The following PTPRT variants were observed in gnomAD, a reference collection of about 807,000 sequenced individuals.
The protein encoded by PTPRT is protein tyrosine phosphatase receptor type T, also known as receptor-type tyrosine-protein phosphatase T.
Under a neutral mutation model 176.8 loss-of-function variants are expected in PTPRT, and 56 were observed. That is an observed-to-expected ratio of 0.32 (90% CI 0.26 to 0.40). The LOEUF (loss-of-function observed/expected upper bound fraction) is 0.40. PTPRT is among the 10% of genes least tolerant of loss of function. PTPRT has a pLI of 1.00. For missense variants in PTPRT, 1,540 were observed against 1,908.2 expected, an observed-to-expected ratio of 0.81 and a Z score of 3.60; for synonymous variants, 783 against 739.0, an observed-to-expected ratio of 1.06 and a Z score of -0.96.
intron 7 of PTPRT, among the ~76,000 whole-genome samples, chr20:42,492,615 A>G (rs2145380563): frequency 6.6e-6 from 1 of 152,268 alleles, no homozygotes; most frequent in African/African-American, 2.4e-5. Flanking sequence ...TATTCACTTC[A>G]GGATTCCTTT....
intron 9 of PTPRT, among the ~76,000 whole-genome samples, chr20:42,438,383 C>T (rs1189632730): frequency 2.0e-5 from 3 of 152,088 alleles, no homozygotes; most frequent in Non-Finnish European, 4.4e-5. Context: ...AAAGTTTCTC[C>T]CCTGGTGTTA....
At chr20:42,842,120 T>G (rs2078289369) in intron 2 of PTPRT, among the ~76,000 whole-genome samples, 1 of 152,258 alleles carries the variant, frequency 6.6e-6, no homozygotes, top group Non-Finnish European at 1.5e-5. Flanking sequence ...TAGAAAGATC[T>G]TTAGAATCAG....
chr20:42,070,781 A>T (rs1600438545), downstream of PTPRT, among the ~76,000 whole-genome samples: 1 of 152,286 alleles, frequency 6.6e-6, no homozygotes, highest in Non-Finnish European at 1.5e-5. Flanking sequence ...ATAATTTTAT[A>T]TTGAGTCCTT....
chr20:42,636,796 AT>A (rs1398474132), intron 7 of PTPRT, among the ~76,000 whole-genome samples: 2 of 152,032 alleles, frequency 1.3e-5, no homozygotes, highest in Non-Finnish European at 2.9e-5. Flanking sequence ...AAAATAATTA[AT>A]TAATTAATCA....
At chr20:42,921,810 C>A (rs1667977219) in intron 1 of PTPRT, among the ~76,000 whole-genome samples, 1 of 152,178 alleles carries the variant, frequency 6.6e-6, no homozygotes, top group Admixed American at 6.5e-5. Context: ...CCACCCATGA[C>A]CCTCATGTAG....
At chr20:42,082,096 G>A in intron 29 of PTPRT, 79 bp from the exon 30 acceptor site, 2 of 1,593,408 alleles carry the variant, frequency 1.3e-6, no homozygotes, top group Non-Finnish European at 1.7e-6. Flanking sequence ...ACATCAGTAG[G>A]AGTAGGGATC....
At chr20:43,077,901 C>T (rs1476567064) in intron 1 of PTPRT, among the ~76,000 whole-genome samples, 1 of 152,114 alleles carries the variant, frequency 6.6e-6, no homozygotes, top group Non-Finnish European at 1.5e-5. Flanking sequence ...TGTCCACAAC[C>T]CTCACTATTT....
intron 16 of PTPRT, among the ~76,000 whole-genome samples, chr20:42,192,718 T>C (rs1991048551): frequency 6.6e-6 from 1 of 152,186 alleles, no homozygotes; most frequent in Non-Finnish European, 1.5e-5. Context: ...TCTTGAACCA[T>C]TTGTCTCCAC....
intron 1 of PTPRT, among the ~76,000 whole-genome samples, chr20:43,095,831 T>TCC (rs2012123169): frequency 3.3e-4 from 1 of 2,990 alleles, no homozygotes; most frequent in Non-Finnish European, 7.0e-4. Flanking sequence ...TCCCCCACCC[T>TCC]CTCTCTCTCC....
At chr20:43,083,709 A>G (rs2011529276) in intron 1 of PTPRT, among the ~76,000 whole-genome samples, 1 of 152,032 alleles carries the variant, frequency 6.6e-6, no homozygotes, top group Admixed American at 6.5e-5. Flanking sequence ...CAACAATCAC[A>G]CCATCACCAC....
intron 7 of PTPRT, among the ~76,000 whole-genome samples, chr20:42,660,334 C>T (rs994724103): frequency 6.6e-6 from 1 of 152,140 alleles, no homozygotes; most frequent in Admixed American, 6.5e-5. Flanking sequence ...CTTCTCCCTC[C>T]CAAGAAACTC....
intron 22 of PTPRT, among the ~76,000 whole-genome samples, chr20:42,114,496 C>A (rs114380226): frequency 0.023 from 3,531 of 152,298 alleles, 87 homozygotes; most frequent in Middle Eastern, 0.044. Flanking sequence ...GCTCACCAAG[C>A]TTGTGCAGCC....
chr20:42,410,582 G>A (rs2059005428), intron 9 of PTPRT, among the ~76,000 whole-genome samples: 1 of 151,930 alleles, frequency 6.6e-6, no homozygotes, highest in Non-Finnish European at 1.5e-5. Flanking sequence ...TGACCTAAGT[G>A]ATGTTATTTC....
intron 1 of PTPRT, among the ~76,000 whole-genome samples, chr20:42,897,436 T>TCAA (rs1369726847): frequency 1.3e-5 from 2 of 152,214 alleles, no homozygotes; most frequent in Non-Finnish European, 2.9e-5. Context: ...ATGAACTTGC[T>TCAA]GCTGGGTGTC....
At chr20:42,438,619 A>C (rs2059284367) in intron 9 of PTPRT, among the ~76,000 whole-genome samples, 1 of 152,148 alleles carries the variant, frequency 6.6e-6, no homozygotes, top group African/African-American at 2.4e-5. Flanking sequence ...AACTACATAA[A>C]CTCACAAAAA....
intron 2 of PTPRT, among the ~76,000 whole-genome samples, chr20:42,815,337 T>C (rs184726853): frequency 9.9e-4 from 151 of 152,262 alleles, no homozygotes; most frequent in African/African-American, 3.6e-3. Flanking sequence ...CTGAAGGAGC[T>C]TAGCGTTTGT....
At chr20:42,675,272 G>T (rs2075481802) in intron 7 of PTPRT, among the ~76,000 whole-genome samples, 1 of 152,140 alleles carries the variant, frequency 6.6e-6, no homozygotes, top group African/African-American at 2.4e-5. Context: ...TATCCAAAAT[G>T]CTTGGGACCA....
chr20:42,679,797 C>A (rs1419882553), intron 6 of PTPRT, among the ~76,000 whole-genome samples: 1 of 152,112 alleles, frequency 6.6e-6, no homozygotes, highest in African/African-American at 2.4e-5. Context: ...ATCACACTAA[C>A]TATTCTCTGA....
chr20:42,121,930 A>G (rs1204732395), intron 19 of PTPRT, among the ~76,000 whole-genome samples: 2 of 152,126 alleles, frequency 1.3e-5, no homozygotes, highest in East Asian at 3.9e-4. Context: ...AAAGTCAAAT[A>G]CCGCATGTTT....
Sources: gnomAD v4.1 joint callset for allele counts (sites outside exome capture counted in the v4.1 genomes callset) on GRCh38, gnomAD v4.1.1 for gene constraint, MANE v1.5 for transcripts, NCBI Gene and HGNC (gene_info 2026-07-23, HGNC 2026-07-21) for gene names.